Variants in ROBO1 observed in about 807,000 individuals in gnomAD.
ROBO1 encodes the protein roundabout guidance receptor 1.
ROBO1 carries 149 observed loss-of-function variants against 195.9 expected under a neutral mutation model. The ratio of observed to expected loss-of-function variants is 0.76; its 90% CI spans 0.67 to 0.87. The LOEUF (loss-of-function observed/expected upper bound fraction) is 0.87, where lower values mean the gene tolerates loss of function less well. Ranked by LOEUF, ROBO1 falls within the 40% of genes least tolerant of loss-of-function variation. The probability of loss-of-function intolerance (pLI) is 0.00; values close to 1 mark genes in which losing one functional copy is unlikely to be tolerated. For missense variants in ROBO1, 1,933 were observed against 2,068.3 expected, an observed-to-expected ratio of 0.93 and a Z score of 1.27; for synonymous variants, 816 against 733.2, an observed-to-expected ratio of 1.11 and a Z score of -1.82.
intron 1 of ROBO1, among the ~76,000 whole-genome samples, chr3:79,721,201 A>C (rs750679860): frequency 6.6e-6 from 1 of 152,178 alleles, no homozygotes; most frequent in South Asian, 2.1e-4. Flanking sequence ...TGTGGATGCC[A>C]AGTGAAGAAC....
intron 3 of ROBO1, among the ~76,000 whole-genome samples, chr3:79,047,372 T>TA (rs201593441): frequency 1.6e-3 from 247 of 150,952 alleles, no homozygotes; most frequent in African/African-American, 5.4e-3. Flanking sequence ...GAAGGACTGT[T>TA]AAAAAAAAAG....
intron 2 of ROBO1, among the ~76,000 whole-genome samples, chr3:79,243,778 G>A (rs2082569360): frequency 6.6e-6 from 1 of 152,034 alleles, no homozygotes; most frequent in Admixed American, 6.6e-5. Flanking sequence ...CATTCTATAG[G>A]TTGCCTATTC....
chr3:79,469,969 T>A (rs145161336), intron 2 of ROBO1, among the ~76,000 whole-genome samples: 227 of 152,304 alleles, frequency 1.5e-3, no homozygotes, highest in African/African-American at 5.2e-3. Context: ...GGAGCAACAA[T>A]GAACTATGAG....
At chr3:79,015,885 G>A in intron 3 of ROBO1, among the ~76,000 whole-genome samples, 1 of 151,998 alleles carries the variant, frequency 6.6e-6, no homozygotes, top group Admixed American at 6.6e-5. Flanking sequence ...TTGTTAAGTT[G>A]GCAGGCAGTT....
intron 2 of ROBO1, among the ~76,000 whole-genome samples, chr3:79,484,942 T>C (rs1177284879): frequency 6.6e-6 from 1 of 151,504 alleles, no homozygotes; most frequent in Non-Finnish European, 1.5e-5. Flanking sequence ...TTAGTAGAGA[T>C]GGGGTTTCAC....
chr3:78,763,682 T>G (rs1237216657), intron 4 of ROBO1, among the ~76,000 whole-genome samples: 1 of 152,210 alleles, frequency 6.6e-6, no homozygotes, highest in African/African-American at 2.4e-5. Context: ...CTTACTCTTA[T>G]GTTAGTCTTT....
At chr3:79,756,357 C>A (rs1704395757) in intron 1 of ROBO1, among the ~76,000 whole-genome samples, 1 of 151,892 alleles carries the variant, frequency 6.6e-6, no homozygotes, top group Non-Finnish European at 1.5e-5. Flanking sequence ...CGAGATCAGC[C>A]TGAACAACAA....
intron 2 of ROBO1, among the ~76,000 whole-genome samples, chr3:79,149,527 T>G (rs1163080978): frequency 1.3e-5 from 2 of 150,868 alleles, no homozygotes; most frequent in African/African-American, 4.9e-5. Context: ...TTGTTGTTGT[T>G]GTTGTTGTTG....
chr3:79,390,065 T>C (rs1032380774), intron 2 of ROBO1, among the ~76,000 whole-genome samples: 2 of 152,088 alleles, frequency 1.3e-5, no homozygotes, highest in Non-Finnish European at 2.9e-5. Flanking sequence ...TATCTACTGA[T>C]AGATTTGATG....
intron 8 of ROBO1, among the ~76,000 whole-genome samples, chr3:78,699,154 A>C (rs1364277046): frequency 6.6e-6 from 1 of 151,996 alleles, no homozygotes; most frequent in Non-Finnish European, 1.5e-5. Context: ...TTCTCTCTTT[A>C]TTGCCACCAT....
chr3:79,548,811 C>A (rs1428169146), intron 2 of ROBO1, among the ~76,000 whole-genome samples: 2 of 152,122 alleles, frequency 1.3e-5, no homozygotes, highest in Non-Finnish European at 2.9e-5. Flanking sequence ...AATAGATACT[C>A]TCTCTTGGCA....
At chr3:78,934,501 T>C (rs1387891523) in intron 4 of ROBO1, among the ~76,000 whole-genome samples, 1 of 151,878 alleles carries the variant, frequency 6.6e-6, no homozygotes, top group Non-Finnish European at 1.5e-5. Flanking sequence ...CAATATAAAG[T>C]TAGTTCAATT....
At chr3:78,747,724 TATA>T (rs1232688050) in intron 4 of ROBO1, among the ~76,000 whole-genome samples, 1 of 152,202 alleles carries the variant, frequency 6.6e-6, no homozygotes, top group Non-Finnish European at 1.5e-5. Flanking sequence ...TGGATACTAA[TATA>T]ATATTAACAT....
chr3:79,278,885 C>T (rs573654833), intron 2 of ROBO1, among the ~76,000 whole-genome samples: 31 of 152,112 alleles, frequency 2.0e-4, no homozygotes, highest in African/African-American at 7.5e-4. Context: ...AGGAAACCAC[C>T]AACATAGTGC....
intron 2 of ROBO1, among the ~76,000 whole-genome samples, chr3:79,402,550 T>A (rs183736646): frequency 6.6e-5 from 10 of 152,068 alleles, no homozygotes; most frequent in African/African-American, 2.4e-4. Context: ...CACCGGTATT[T>A]GAACACATGT....
At chr3:78,645,054 C>A (rs981732861) in intron 21 of ROBO1, among the ~76,000 whole-genome samples, 1 of 152,078 alleles carries the variant, frequency 6.6e-6, no homozygotes, top group African/African-American at 2.4e-5. Context: ...ATTCCTGAAT[C>A]AAGTGGATTT....
chr3:78,981,269 A>G (rs145266036), intron 3 of ROBO1, among the ~76,000 whole-genome samples: 6 of 152,264 alleles, frequency 3.9e-5, no homozygotes, highest in African/African-American at 1.4e-4. Flanking sequence ...AGGGTCATAG[A>G]CTATGAATGT....
At chr3:78,638,214 TAC>T (rs1260314670) in intron 22 of ROBO1, among the ~76,000 whole-genome samples, 2 of 137,320 alleles carry the variant, frequency 1.5e-5, no homozygotes, top group East Asian at 2.0e-4. Context: ...TGTATATATA[TAC>T]ACTTATATAC....
At chr3:79,481,681 T>C (rs1938868133) in intron 2 of ROBO1, among the ~76,000 whole-genome samples, 1 of 152,204 alleles carries the variant, frequency 6.6e-6, no homozygotes, top group Admixed American at 6.5e-5. Context: ...AACATTGATC[T>C]TTATTGATCT....
Sources: allele counts gnomAD v4.1 joint callset (sites outside exome capture counted in the v4.1 genomes callset), GRCh38; gene constraint gnomAD v4.1.1; transcripts MANE v1.5; gene names NCBI Gene and HGNC (gene_info 2026-07-23, HGNC 2026-07-21).